The following MPHOSPH9 variants were observed in gnomAD, a reference collection of about 807,000 sequenced individuals.
MPHOSPH9 encodes the protein M-phase phosphoprotein 9.
In MPHOSPH9, 88 loss-of-function variants were observed where a neutral mutation model predicts 145.5. That is an observed-to-expected ratio of 0.60 (90% CI 0.51 to 0.72). The LOEUF is 0.72. Ranked by LOEUF, MPHOSPH9 falls within the 30% of genes least tolerant of loss-of-function variation. MPHOSPH9 has a pLI of 0.00. For missense variants in MPHOSPH9, 1,238 were observed against 1,386.6 expected (o/e 0.89, Z 1.70); for synonymous variants, 435 against 486.2 (o/e 0.89, Z 1.39).
At chr12:123,224,494 C>A (rs1327048767) in intron 3 of MPHOSPH9, among the ~76,000 whole-genome samples, 1 of 152,052 alleles carries the variant, frequency 6.6e-6, no homozygotes, top group Non-Finnish European at 1.5e-5. Flanking sequence ...TGTTCTCGAA[C>A]TCCTGACCTC....
intron 8 of MPHOSPH9, among the ~76,000 whole-genome samples, chr12:123,209,409 GT>G (rs200046426): frequency 0.048 from 7,214 of 149,906 alleles, 315 homozygotes; most frequent in East Asian, 0.27. Context: ...AACACACACA[GT>G]TTTTTTTTTC....
rs746928699 is a variant in MPHOSPH9, at chr12:123,183,547, CAAAAA to C, written c.2242-2342_2242-2338del. Among the ~76,000 whole-genome samples, 164 of 59,978 alleles carry C rather than the reference CAAAAA, an allele frequency of 2.7e-3. 3 individuals carry two copies. The East Asian group carries it at 0.073, about 27-fold the overall frequency. 39.3% of individuals were successfully genotyped at this position (59,978 alleles called of 152,430 possible). A position where few individuals can be genotyped will look rare whatever the true frequency, so the allele number is the denominator to read the frequency against. ...AAGGTGACAGAGCAAGACTCTGTCT[CAAAAA>C]AAAAAAAAAAAAAAAAAAGAAAAAG... On this transcript the variant is annotated intron_variant, in intron 13 of 23. Transcript: ENST00000606320.
intron 16 of MPHOSPH9, among the ~76,000 whole-genome samples, chr12:123,172,203 C>G (rs1014712109): frequency 6.6e-6 from 1 of 152,194 alleles, no homozygotes; most frequent in South Asian, 2.1e-4. Flanking sequence ...GTTTTATGGG[C>G]CAGTGTCTGT....
chr12:123,221,462 T>C lies in MPHOSPH9; in HGVS notation c.782A>G (p.Lys261Arg), dbSNP rs1167491965. The C allele has an allele frequency of 2.5e-6, 4 of 1,613,666 alleles. No homozygotes were observed. Among genetic ancestry groups the C allele is most frequent in the Non-Finnish European group, 3.4e-6 (4 of 1,179,746 alleles). ...QTPEECHVSL[K>R]EDVSISPGEF... Reference sequence around the variant, plus strand: ...ACCAGGAGAAATGGATACATCTTCCTTTAAAGACACATGACACTCTTCAGG... The same window carrying C: ...ACCAGGAGAAATGGATACATCTTCCCTTAAAGACACATGACACTCTTCAGG... The change falls in exon 5 of 24, where the codon AAG becomes AGG. Residue 261 changes from lysine (K) to arginine (R), a missense_variant. By Grantham distance (26) the Lys-to-Arg change is conservative (BLOSUM62 2). Coordinates refer to ENST00000606320, the MANE Select transcript of MPHOSPH9 (RefSeq NM_022782.4).
At chr12:123,197,254 T>C (rs907909244) in intron 12 of MPHOSPH9, among the ~76,000 whole-genome samples, 101 of 151,984 alleles carry the variant, frequency 6.6e-4, no homozygotes, top group Admixed American at 4.6e-4. Context: ...GCAATCATGA[T>C]CCCTGCAGCC....
chr12:123,175,882 GA>G (rs1202483632), intron 16 of MPHOSPH9, among the ~76,000 whole-genome samples: 1 of 144,360 alleles, frequency 6.9e-6, no homozygotes, highest in African/African-American at 2.6e-5. Context: ...CAAAGACCTA[GA>G]AAAATCTTCT....
intron 4 of MPHOSPH9, among the ~76,000 whole-genome samples, chr12:123,222,309 AG>A (rs1378895001): frequency 6.8e-6 from 1 of 146,454 alleles, no homozygotes; most frequent in Non-Finnish European, 1.5e-5. Context: ...TGGGTGACAG[AG>A]TGAGACCTTG....
upstream of MPHOSPH9, among the ~76,000 whole-genome samples, chr12:123,237,830 CAGG>C (rs2047874595): frequency 6.6e-6 from 1 of 152,120 alleles, no homozygotes; most frequent in African/African-American, 2.4e-5. Context: ...GATGAGCTAA[CAGG>C]AGGATGTGAA....
chr12:123,165,667 C>A, intron 17 of MPHOSPH9, 190 bp from the exon 18 acceptor site: 1 of 512,366 alleles, frequency 2.0e-6, no homozygotes, highest in Non-Finnish European at 3.4e-6. Context: ...GGATTAATGC[C>A]CTTATGAAAA....
chr12:123,230,435 CG>C lies in MPHOSPH9; in HGVS notation c.-72del. 1 of 856,292 alleles carries C rather than the reference CG, an allele frequency of 1.2e-6. No individual in the cohort carries two copies. The highest frequency in any genetic ancestry group is 1.8e-5 in the African/African-American group (1 of 57,002). The allele number at this position is 856,292 out of a possible 1,614,324, so 53.0% of individuals were successfully genotyped here. A position where few individuals can be genotyped will look rare whatever the true frequency, so the allele number is the denominator to read the frequency against. ...TTGGGCTGTTTGAGAAAAATGAATCCGTGTCATCTTCAGAGGCTTCATCATC... is the reference window on the plus strand; with the variant it reads ...TTGGGCTGTTTGAGAAAAATGAATCCTGTCATCTTCAGAGGCTTCATCATC... On this transcript the variant is annotated 5_prime_UTR_variant, in exon 2 of 24. It removes the in-frame stop codon of an upstream open reading frame in the 5' UTR. Coordinates refer to ENST00000606320, the MANE Select transcript of MPHOSPH9 (RefSeq NM_022782.4).
chr12:123,182,668 G>A (rs951403064), intron 13 of MPHOSPH9, among the ~76,000 whole-genome samples: 1 of 151,286 alleles, frequency 6.6e-6, no homozygotes, highest in African/African-American at 2.4e-5. Context: ...TCCCAGCACT[G>A]TGGGAGGCCA....
chr12:123,197,895 A>G (rs1280137265), intron 12 of MPHOSPH9, among the ~76,000 whole-genome samples: 3 of 151,876 alleles, frequency 2.0e-5, no homozygotes, highest in Admixed American at 6.6e-5. Context: ...CATCCTGGCT[A>G]ACACGGTGAA....
At chr12:123,215,682 G>A (rs2046922479) in intron 6 of MPHOSPH9, among the ~76,000 whole-genome samples, 1 of 152,068 alleles carries the variant, frequency 6.6e-6, no homozygotes, top group Non-Finnish European at 1.5e-5. Flanking sequence ...TCACATCTCT[G>A]ACACTGTCGC....
In MPHOSPH9 at chr12:123,230,466, G is replaced by C. The variant is rs74992709; in HGVS notation, c.-102C>G. 1,687 of 576,782 alleles carry C rather than the reference G, an allele frequency of 2.9e-3. 25 individuals are homozygous for C. The African/African-American group carries it at 0.03, about 10-fold the overall frequency. The allele number at this position is 576,782 out of a possible 1,614,324, so 35.7% of individuals were successfully genotyped here. On this transcript the variant is annotated 5_prime_UTR_variant, in exon 2 of 24. Transcript: ENST00000606320. ...ATCTTCAGAGGCTTCATCATCTACT[G>C]GCATTTTCAGTGGCTAACATTCAGA...
intron 2 of MPHOSPH9, among the ~76,000 whole-genome samples, chr12:123,228,600 A>T (rs533868692): frequency 6.6e-6 from 1 of 152,228 alleles, no homozygotes; most frequent in East Asian, 1.9e-4. Flanking sequence ...AGGCAGGGGA[A>T]TCCCTTGAAC....
intron 13 of MPHOSPH9, among the ~76,000 whole-genome samples, chr12:123,184,017 G>A (rs760300137): frequency 2.4e-4 from 37 of 151,986 alleles, no homozygotes; most frequent in Non-Finnish European, 2.5e-4. Flanking sequence ...ACCAGCCTGC[G>A]CAATATAGCA....
chr12:123,225,546 G>A (rs1490538040), intron 3 of MPHOSPH9, among the ~76,000 whole-genome samples: 3 of 136,662 alleles, frequency 2.2e-5, no homozygotes, highest in African/African-American at 8.0e-5. Context: ...GGGAGGGAGG[G>A]GGTGGGAGGG....
intron 16 of MPHOSPH9, among the ~76,000 whole-genome samples, chr12:123,171,173 G>A (rs1197322094): frequency 2.6e-5 from 4 of 152,162 alleles, no homozygotes; most frequent in Non-Finnish European, 4.4e-5. Flanking sequence ...ATCAGCCGGG[G>A]CCAGGTACAG....
upstream of MPHOSPH9, among the ~76,000 whole-genome samples, chr12:123,234,405 G>T (rs1197130935): frequency 1.3e-5 from 2 of 151,662 alleles, no homozygotes; most frequent in Admixed American, 6.6e-5. Flanking sequence ...GTGGGGGAGG[G>T]GGGTAGGGGG....
Sources: gnomAD v4.1 joint callset for allele counts (sites outside exome capture counted in the v4.1 genomes callset) on GRCh38, gnomAD v4.1.1 for gene constraint, MANE v1.5 for transcripts, NCBI Gene and HGNC (gene_info 2026-07-23, HGNC 2026-07-21) for gene names.